DGKB: variants seen among roughly 807,000 people sequenced by gnomAD.
DGKB encodes 90 kDa diacylglycerol kinase.
In DGKB, 67 loss-of-function variants were observed where a neutral mutation model predicts 114.3. That is an observed-to-expected ratio of 0.59 (90% CI 0.48 to 0.72). The LOEUF is 0.72. DGKB is among the 30% of genes least tolerant of loss of function. The pLI, the probability that DGKB is intolerant of heterozygous loss-of-function variation, is 0.00. For missense variants in DGKB, 907 were observed against 975.2 expected (o/e 0.93, Z 0.93); for synonymous variants, 398 against 323.1 (o/e 1.23, Z -2.49).
intron 2 of DGKB, among the ~76,000 whole-genome samples, chr7:14,767,851 T>G (rs1836699740): frequency 1.3e-5 from 2 of 151,784 alleles, no homozygotes; most frequent in South Asian, 4.2e-4. Flanking sequence ...CTTCATTTTA[T>G]TTTTTTTAAG....
chr7:14,717,367 T>C (rs1304259002), intron 6 of DGKB, among the ~76,000 whole-genome samples: 1 of 152,156 alleles, frequency 6.6e-6, no homozygotes, highest in Non-Finnish European at 1.5e-5. Flanking sequence ...ACTTTCTCTC[T>C]GGCTGTCACT....
At chr7:14,547,933 G>T (rs1794551901) in intron 20 of DGKB, among the ~76,000 whole-genome samples, 1 of 152,112 alleles carries the variant, frequency 6.6e-6, no homozygotes, top group Admixed American at 6.5e-5. Context: ...AAAAATGTTT[G>T]CCACATTCTA....
intron 21 of DGKB, among the ~76,000 whole-genome samples, chr7:14,362,480 T>C (rs1020779229): frequency 3.3e-5 from 5 of 152,068 alleles, no homozygotes; most frequent in Non-Finnish European, 5.9e-5. Flanking sequence ...TGAAGCACTA[T>C]TCTAGTTGCC....
intron 23 of DGKB, among the ~76,000 whole-genome samples, chr7:14,279,496 G>A (rs1325421376): frequency 1.3e-5 from 2 of 152,162 alleles, no homozygotes; most frequent in South Asian, 2.1e-4. Flanking sequence ...GACAGCTTTG[G>A]AGAGAGCGGT....
chr7:14,830,849 T>C (rs1055218826), intron 2 of DGKB, among the ~76,000 whole-genome samples: 2 of 151,938 alleles, frequency 1.3e-5, no homozygotes, highest in African/African-American at 2.4e-5. Flanking sequence ...GTTCATTTTA[T>C]AATAAAGTAC....
At chr7:14,712,065 C>A (rs1827443611) in intron 6 of DGKB, among the ~76,000 whole-genome samples, 1 of 151,900 alleles carries the variant, frequency 6.6e-6, no homozygotes, top group South Asian at 2.1e-4. Flanking sequence ...AAGTTTCAAT[C>A]CATGAAATAC....
At chr7:14,556,942 A>G (rs1328679669) in intron 20 of DGKB, among the ~76,000 whole-genome samples, 1 of 152,204 alleles carries the variant, frequency 6.6e-6, no homozygotes, top group Non-Finnish European at 1.5e-5. Context: ...ATTGCCACCA[A>G]GTTTAGTAGT....
intron 2 of DGKB, among the ~76,000 whole-genome samples, chr7:14,772,082 A>C (rs1412182253): frequency 2.6e-5 from 4 of 152,096 alleles, no homozygotes; most frequent in Non-Finnish European, 5.9e-5. Flanking sequence ...GCCTTTCTGA[A>C]CCAAACCAAT....
chr7:14,401,962 G>A (rs1432563980), intron 21 of DGKB, among the ~76,000 whole-genome samples: 3 of 142,800 alleles, frequency 2.1e-5, no homozygotes. Context: ...ACAATAATTT[G>A]TACACACACA....
At chr7:14,566,478 TGTTTGTGTCATTTTTA>T (rs1227416425) in intron 20 of DGKB, among the ~76,000 whole-genome samples, 3 of 152,198 alleles carry the variant, frequency 2.0e-5, no homozygotes, top group Admixed American at 6.6e-5. Context: ...CATTTAAAGT[TGTTTGTGTCATTTTTA>T]TGACAATTGT....
At chr7:14,704,723 C>T (rs1474016814) in intron 6 of DGKB, among the ~76,000 whole-genome samples, 16 of 152,110 alleles carry the variant, frequency 1.1e-4, no homozygotes, top group African/African-American at 2.9e-4. Context: ...ACACCTCACA[C>T]GGCAGGGTAT....
intron 23 of DGKB, among the ~76,000 whole-genome samples, chr7:14,324,627 A>C (rs1414385775): frequency 6.6e-6 from 1 of 152,082 alleles, no homozygotes; most frequent in Non-Finnish European, 1.5e-5. Flanking sequence ...ACCAGGTGGC[A>C]AAAAAACAAT....
At chr7:14,295,591 C>A (rs1236649597) in intron 23 of DGKB, among the ~76,000 whole-genome samples, 67 of 151,822 alleles carry the variant, frequency 4.4e-4, no homozygotes, top group African/African-American at 1.6e-3. Flanking sequence ...GATAGGTTTT[C>A]TGTGATAGTT....
intron 21 of DGKB, among the ~76,000 whole-genome samples, chr7:14,358,773 C>T (rs1221636484): frequency 1.3e-5 from 2 of 152,042 alleles, no homozygotes; most frequent in African/African-American, 4.8e-5. Flanking sequence ...TCAAGGAGAA[C>T]TACAAACCGC....
intron 23 of DGKB, among the ~76,000 whole-genome samples, chr7:14,199,602 A>G (rs1343791355): frequency 2.6e-5 from 4 of 152,060 alleles, no homozygotes; most frequent in Non-Finnish European, 4.4e-5. Flanking sequence ...GAACAAATAG[A>G]TGATGCCCAG....
intron 23 of DGKB, among the ~76,000 whole-genome samples, chr7:14,246,935 A>G (rs1428430586): frequency 6.6e-6 from 1 of 152,138 alleles, no homozygotes; most frequent in African/African-American, 2.4e-5. Flanking sequence ...GAATATATTC[A>G]TCCTGCAAAA....
At chr7:14,818,079 T>C (rs536202200) in intron 2 of DGKB, among the ~76,000 whole-genome samples, 176 of 152,272 alleles carry the variant, frequency 1.2e-3, no homozygotes, top group Non-Finnish European at 2.4e-4. Flanking sequence ...ATTATGACTT[T>C]TGCTAGGAAA....
chr7:14,211,026 C>T (rs1383266693), intron 23 of DGKB, among the ~76,000 whole-genome samples: 2 of 152,028 alleles, frequency 1.3e-5, no homozygotes, highest in African/African-American at 4.8e-5. Context: ...CTACAGCTAT[C>T]ACCTTCCCCA....
intron 23 of DGKB, among the ~76,000 whole-genome samples, chr7:14,241,683 C>A (rs1342413078): frequency 6.6e-6 from 1 of 151,750 alleles, no homozygotes; most frequent in African/African-American, 2.4e-5. Flanking sequence ...TTTCCCTAAA[C>A]CCCAGGGAGT....
Sources: allele counts gnomAD v4.1 joint callset (sites outside exome capture counted in the v4.1 genomes callset), GRCh38; gene constraint gnomAD v4.1.1; transcripts MANE v1.5; gene names NCBI Gene and HGNC (gene_info 2026-07-23, HGNC 2026-07-21).